The following ZNRF3 variants were observed in gnomAD, a reference collection of about 807,000 sequenced individuals.
The protein encoded by ZNRF3 is E3 ubiquitin-protein ligase ZNRF3.
In ZNRF3, 23 loss-of-function variants were observed where a neutral mutation model predicts 72.5. That is an observed-to-expected ratio of 0.32 (90% confidence interval 0.23 to 0.45). The LOEUF (loss-of-function observed/expected upper bound fraction) is 0.45. Ranked by LOEUF, ZNRF3 falls within the 20% of genes least tolerant of loss-of-function variation. The pLI is 1.00. For synonymous variants in ZNRF3, 610 were observed against 545.3 expected (o/e 1.12, Z -1.65); for missense variants, 1,169 against 1,272.1 (o/e 0.92, Z 1.23).
At chr22:28,993,891 C>T (rs1019041604) in intron 2 of ZNRF3, among the ~76,000 whole-genome samples, 1 of 152,128 alleles carries the variant, frequency 6.6e-6, no homozygotes, top group African/African-American at 2.4e-5. Context: ...ATATATTACC[C>T]AGGCAACAGG....
intron 2 of ZNRF3, among the ~76,000 whole-genome samples, chr22:28,993,457 G>A (rs1034287601): frequency 6.6e-6 from 1 of 152,174 alleles, no homozygotes; most frequent in Non-Finnish European, 1.5e-5. Context: ...GGTACGAGAG[G>A]TGGGTGGAAA....
At chr22:28,981,391 A>C (rs1217484087) in intron 1 of ZNRF3, among the ~76,000 whole-genome samples, 1 of 152,260 alleles carries the variant, frequency 6.6e-6, no homozygotes, top group African/African-American at 2.4e-5. Flanking sequence ...CAGTCTTGCT[A>C]TGTTGGCCAG....
At chr22:28,954,469 T>G (rs1264752365) in intron 1 of ZNRF3, among the ~76,000 whole-genome samples, 1 of 152,156 alleles carries the variant, frequency 6.6e-6, no homozygotes, top group Non-Finnish European at 1.5e-5. Flanking sequence ...CAAGTGCATA[T>G]TGGGGGAGTT....
intron 1 of ZNRF3, among the ~76,000 whole-genome samples, chr22:28,984,827 G>A (rs1174357156): frequency 1.3e-5 from 2 of 152,132 alleles, no homozygotes; most frequent in Admixed American, 6.5e-5. Flanking sequence ...AATCCTGCAC[G>A]GGCACCCTGG....
intron 2 of ZNRF3, among the ~76,000 whole-genome samples, chr22:28,995,415 G>A (rs766986585): frequency 2.6e-5 from 4 of 151,990 alleles, no homozygotes; most frequent in East Asian, 1.9e-4. Context: ...GCGACAGAGC[G>A]AGAATCCATC....
intron 1 of ZNRF3, among the ~76,000 whole-genome samples, chr22:28,894,998 T>G (rs1316665362): frequency 6.6e-6 from 1 of 152,134 alleles, no homozygotes; most frequent in Non-Finnish European, 1.5e-5. Context: ...CTTATCGCAT[T>G]GCCCAGCTTA....
At chr22:29,018,230 A>T (rs2036470792) in intron 2 of ZNRF3, 1 of 318,250 alleles carries the variant, frequency 3.1e-6, no homozygotes, top group African/African-American at 2.2e-5. Flanking sequence ...AGACAGAGAA[A>T]CTGCTGCATT....
chr22:28,959,269 C>A (rs1270296357), intron 1 of ZNRF3, among the ~76,000 whole-genome samples: 2 of 152,204 alleles, frequency 1.3e-5, no homozygotes, highest in Non-Finnish European at 1.5e-5. Context: ...TAGGTGAACA[C>A]CTCACCTTAT....
chr22:28,969,486 A>C (rs2035532455), intron 1 of ZNRF3, among the ~76,000 whole-genome samples: 1 of 152,196 alleles, frequency 6.6e-6, no homozygotes, highest in African/African-American at 2.4e-5. Context: ...TAGTGAGGGT[A>C]GATTATTCCA....
rs1340917564 is a variant in ZNRF3, at chr22:29,048,318, A to G, written c.913-71A>G. ...CATGCTGTGCAGAACTCCTTGGTCT[A>G]TGCTGGACTCTGCAGGAGGACACAC... On this transcript the variant is annotated intron_variant, in intron 6 of 8. Coordinates refer to ENST00000544604, the MANE Select transcript of ZNRF3 (RefSeq NM_001206998.2). This position sits in a 1 kb window ranked among gnomAD's most constrained non-coding sequence, Gnocchi z 4.9. 18 of 1,330,804 alleles carry G rather than the reference A, an allele frequency of 1.4e-5. No individual in the cohort carries two copies. Among genetic ancestry groups the G allele is most frequent in the African/African-American group, 1.4e-5 (1 of 69,548 alleles). The allele number at this position is 1,330,804 out of a possible 1,614,324, so 82.4% of individuals were successfully genotyped here. A position where few individuals can be genotyped will look rare whatever the true frequency, so the allele number is the denominator to read the frequency against.
chr22:28,980,109 A>G lies in ZNRF3; in HGVS notation c.301-6967A>G, dbSNP rs147518397. 1.8e-3 allele frequency among the ~76,000 whole-genome samples: 279 copies of G among 152,272 alleles called. 5 individuals carry two copies. The East Asian group carries it at 0.044, about 24-fold the overall frequency. ...TCCTTAACGATGTCTGTATTTGTCC[A>G]TATCAGTTAAGACAGATGCTACAGT... is the stretch of plus-strand genomic sequence containing the variant. On this transcript the variant is annotated intron_variant, in intron 1 of 8. Transcript: ENST00000544604.
chr22:28,957,222 A>G (rs1449855832), intron 1 of ZNRF3, among the ~76,000 whole-genome samples: 2 of 152,134 alleles, frequency 1.3e-5, no homozygotes, highest in Admixed American at 6.5e-5. Flanking sequence ...ACTGTGGTGC[A>G]CTGGTTATGA....
chr22:28,966,563 A>G (rs990959086), intron 1 of ZNRF3, among the ~76,000 whole-genome samples: 1 of 152,206 alleles, frequency 6.6e-6, no homozygotes, highest in African/African-American at 2.4e-5. Flanking sequence ...AGTGACATTG[A>G]TGATCCTGAC....
chr22:28,889,533 C>A (rs115839363), intron 1 of ZNRF3, among the ~76,000 whole-genome samples: 2,268 of 152,258 alleles, frequency 0.015, 66 homozygotes, highest in African/African-American at 0.051. Context: ...CTATTCTGTA[C>A]CAGACACTGT....
At chr22:29,039,908 A>G (rs9608721) in intron 2 of ZNRF3, among the ~76,000 whole-genome samples, 74,216 of 151,840 alleles carry the variant, frequency 0.49, 18,434 homozygotes, top group East Asian at 0.54. Flanking sequence ...GCAGTGAGCT[A>G]TGATTGCACC....
chr22:29,042,096 G>C (rs971139494), intron 2 of ZNRF3, among the ~76,000 whole-genome samples: 6 of 152,100 alleles, frequency 3.9e-5, no homozygotes, highest in Non-Finnish European at 4.4e-5. Flanking sequence ...ACCATACAAG[G>C]TAGGTGAAAT....
At chr22:28,936,991 C>T (rs2034831067) in intron 1 of ZNRF3, among the ~76,000 whole-genome samples, 1 of 151,878 alleles carries the variant, frequency 6.6e-6, no homozygotes, top group Admixed American at 6.6e-5. Flanking sequence ...CATGACACCT[C>T]ATTCATCTGA....
chr22:28,887,103 T>G (rs181788200), intron 1 of ZNRF3, among the ~76,000 whole-genome samples: 2 of 152,266 alleles, frequency 1.3e-5, no homozygotes, highest in East Asian at 3.9e-4. Context: ...GCAGTTTTAT[T>G]TATTCATGGT....
At chr22:28,992,217 G>A (rs1487428435) in intron 2 of ZNRF3, among the ~76,000 whole-genome samples, 4 of 123,028 alleles carry the variant, frequency 3.3e-5, no homozygotes, top group African/African-American at 1.3e-4. Flanking sequence ...CCGGAAAAAC[G>A]AAAAAGAAAT....
Sources: gnomAD v4.1 joint callset for allele counts (sites outside exome capture counted in the v4.1 genomes callset) on GRCh38, gnomAD v4.1.1 for gene constraint, Gnocchi (gnomAD v3.1) non-coding constraint, MANE v1.5 for transcripts, NCBI Gene and HGNC (gene_info 2026-07-23, HGNC 2026-07-21) for gene names.